CPSF4: variants seen among roughly 807,000 people sequenced by gnomAD.
CPSF4 encodes cleavage and polyadenylation specificity factor subunit 4.
Under a neutral mutation model 37.7 loss-of-function variants are expected in CPSF4, and 11 were observed. The observed-to-expected ratio is 0.29, with a 90% CI of 0.18 to 0.48. The LOEUF (loss-of-function observed/expected upper bound fraction) is 0.48. Ranked by LOEUF, CPSF4 falls within the 20% of genes least tolerant of loss-of-function variation. The pLI is 0.99. For synonymous variants in CPSF4, 132 were observed against 135.9 expected (o/e 0.97, Z 0.20); for missense variants, 144 against 359.5 (o/e 0.40, Z 4.85).
intron 7 of CPSF4, among the ~76,000 whole-genome samples, chr7:99,454,619 C>T (rs1296208885): frequency 2.0e-5 from 3 of 152,166 alleles, no homozygotes; most frequent in Non-Finnish European, 4.4e-5. Context: ...CTGTCCTGTT[C>T]ACTCCTGGCT....
chr7:99,452,737 C>T, intron 6 of CPSF4: 1 of 336,142 alleles, frequency 3.0e-6, no homozygotes, highest in South Asian at 4.7e-5. Flanking sequence ...GCAGCGTCTG[C>T]CCCTGGGGCT....
At chr7:99,449,657 A>T (rs1453191645) in intron 3 of CPSF4, among the ~76,000 whole-genome samples, 5 of 152,208 alleles carry the variant, frequency 3.3e-5, no homozygotes, top group Non-Finnish European at 7.3e-5. Flanking sequence ...TGGTCCAGGG[A>T]AAGAGGTAGC....
intron 2 of CPSF4, among the ~76,000 whole-genome samples, chr7:99,447,586 T>A (rs1192702722): frequency 7.0e-6 from 1 of 143,702 alleles, no homozygotes; most frequent in Non-Finnish European, 1.5e-5. Flanking sequence ...AGATCATGAG[T>A]AACTTTTTTT....
intron 7 of CPSF4, 152 bp downstream of exon 7, chr7:99,454,288 G>C: frequency 1.3e-6 from 1 of 769,704 alleles, no homozygotes; most frequent in Non-Finnish European, 2.0e-6. Flanking sequence ...ACCATCCACT[G>C]TGGTGGGCTA....
intron 1 of CPSF4, chr7:99,442,999 T>G (rs1218835926): frequency 6.5e-7 from 1 of 1,543,798 alleles, no homozygotes; most frequent in Non-Finnish European, 9.0e-7. Flanking sequence ...TTTTTCAGTT[T>G]CTTATCATCT....
At chr7:99,455,949 C>T (rs1215653650) in intron 7 of CPSF4, among the ~76,000 whole-genome samples, 1 of 152,232 alleles carries the variant, frequency 6.6e-6, no homozygotes, top group African/African-American at 2.4e-5. Flanking sequence ...GGCTGGGACA[C>T]TTCTGATGCT....
chr7:99,440,662 A>ATATATATATATATATATATT (rs1796840954), intron 1 of CPSF4, among the ~76,000 whole-genome samples: 1 of 93,844 alleles, frequency 1.1e-5, no homozygotes, highest in Non-Finnish European at 1.7e-5. Flanking sequence ...TGGCATATAT[A>ATATATATATATATATATATT]TATATATATA....
chr7:99,450,699 C>A lies in CPSF4; in HGVS notation c.404-3C>A, dbSNP rs1797869410. 6.2e-7 allele frequency: 1 copy of A among 1,611,900 alleles called. No homozygotes were observed. The highest frequency in any genetic ancestry group is 8.5e-7 in the Non-Finnish European group (1 of 1,177,986). On this transcript the variant is annotated splice_polypyrimidine_tract_variant and splice_region_variant and intron_variant, in intron 4 of 7. Coordinates refer to ENST00000292476, the MANE Select transcript of CPSF4 (RefSeq NM_006693.4). ...CTAAGTGACCGGACACTTGGCTCTG[C>A]AGGTCCCCTCTGCAGGCACCGGCAC...
Position 99,439,070 on chromosome 7 carries a change from C to A in CPSF4, c.-13C>A. Reference sequence around the variant, plus strand: ...CGAGGGGGAGCCGGGCCGGTGGGGCCGCCGCCGCCGCCATGCAGGAAATCA... The same window carrying A: ...CGAGGGGGAGCCGGGCCGGTGGGGCAGCCGCCGCCGCCATGCAGGAAATCA... On this transcript the variant is annotated 5_prime_UTR_variant, in exon 1 of 8. Transcript: ENST00000292476. 1 of 1,573,876 alleles carries A rather than the reference C, an allele frequency of 6.4e-7. No individual in the cohort carries two copies. The highest frequency in any genetic ancestry group is 8.6e-7 in the Non-Finnish European group (1 of 1,156,642).
intron 6 of CPSF4, chr7:99,452,888 G>A: frequency 6.1e-6 from 1 of 164,110 alleles, no homozygotes; most frequent in Non-Finnish European, 1.3e-5. Flanking sequence ...AGGTGTGGCA[G>A]CAGAACTGAC....
intron 5 of CPSF4, 147 bp from the exon 6 acceptor site, chr7:99,452,221 A>G: frequency 2.8e-6 from 2 of 727,000 alleles, no homozygotes; most frequent in Non-Finnish European, 2.4e-6. Context: ...CACCCCATCC[A>G]TGCAGCTTGT....
At chr7:99,450,129 A>G in intron 3 of CPSF4, 147 bp from the exon 4 acceptor site, 1 of 676,766 alleles carries the variant, frequency 1.5e-6, no homozygotes, top group Non-Finnish European at 2.7e-6. Context: ...TCCGCTGCAC[A>G]GGAAGCTGGG....
chr7:99,439,002 G>A lies in CPSF4; in HGVS notation c.-81G>A. ...GGCGAAGCGAAGGAGGAGTGTGTGC[G>A]GCGGGGCCGGCGGCGGGTAAAGGCG... On this transcript the variant is annotated 5_prime_UTR_variant, in exon 1 of 8. Coordinates refer to ENST00000292476, the MANE Select transcript of CPSF4 (RefSeq NM_006693.4). 2.8e-6 allele frequency: 4 copies of A among 1,418,970 alleles called. No individual in the cohort carries two copies. Among genetic ancestry groups the A allele is most frequent in the Non-Finnish European group, 3.7e-6 (4 of 1,070,480 alleles). The allele number at this position is 1,418,970 out of a possible 1,614,324, so 87.9% of individuals were successfully genotyped here. A position where few individuals can be genotyped will look rare whatever the true frequency, so the allele number is the denominator to read the frequency against.
At chr7:99,446,708 A>G (rs951022532) in intron 2 of CPSF4, among the ~76,000 whole-genome samples, 1 of 142,304 alleles carries the variant, frequency 7.0e-6, no homozygotes, top group Admixed American at 7.3e-5. Context: ...CCTGGGCCCA[A>G]GTGATCCTCC....
At position 99,448,125 on chromosome 7, in the gene CPSF4, C is replaced by A; in HGVS notation, c.159C>A (p.Gly53=). 1.9e-6 allele frequency: 3 copies of A among 1,613,846 alleles called. No individual in the cohort carries two copies. The highest frequency in any genetic ancestry group is 2.5e-6 in the Non-Finnish European group (3 of 1,179,876). The part of the protein sequence containing the change: ...FFLKAACGKG[G]MCPFRHISGE... ...CTGTCCCTATCTTGCCGGCAGGGGG[C>A]ATGTGTCCGTTTCGCCACATCAGTG... The change falls in exon 3 of 8, where the codon GGC becomes GGA. Residue 53 remains glycine, a synonymous_variant. Transcript: ENST00000292476. This position sits in a 1 kb window ranked among gnomAD's most constrained non-coding sequence, Gnocchi z 4.4.
chr7:99,443,633 T>C, intron 1 of CPSF4: 1 of 496,884 alleles, frequency 2.0e-6, no homozygotes, highest in Non-Finnish European at 3.7e-6. Flanking sequence ...AATAATTGTA[T>C]GTGGGCCAGG....
At chr7:99,444,943 T>C in intron 2 of CPSF4, 104 bp downstream of exon 2, 1 of 982,334 alleles carries the variant, frequency 1.0e-6, no homozygotes, top group Non-Finnish European at 1.6e-6. Context: ...CATTGCTTTC[T>C]ACAGACTAAC....
rs532142836 is a variant in CPSF4, at chr7:99,441,728, T to C, written c.103+2543T>C. Among the ~76,000 whole-genome samples the C allele has an allele frequency of 2.6e-5, 4 of 152,218 alleles. No homozygotes were observed. In the East Asian group the frequency reaches 7.7e-4, roughly 29 times the overall value. On this transcript the variant is annotated intron_variant, in intron 1 of 7. Transcript: ENST00000292476. ...TTTTTTTTGAGACAGAGTCTTGCTC[T>C]GTTACCCAGGCTGGAGCACAGTGAC...
At chr7:99,441,295 A>C in intron 1 of CPSF4, 1 of 412,194 alleles carries the variant, frequency 2.4e-6, no homozygotes, top group South Asian at 1.8e-5. Flanking sequence ...CCATGGAACC[A>C]CCCACGCAGG....
Sources: allele counts gnomAD v4.1 joint callset (sites outside exome capture counted in the v4.1 genomes callset), GRCh38; gene constraint gnomAD v4.1.1; non-coding constraint Gnocchi (gnomAD v3.1); transcripts MANE v1.5; gene names NCBI Gene and HGNC (gene_info 2026-07-23, HGNC 2026-07-21).